Variants in SARNP observed in about 807,000 individuals in gnomAD.
The protein encoded by SARNP is SAP domain-containing ribonucleoprotein.
SARNP carries 5 observed loss-of-function variants against 38.1 expected under a neutral mutation model. That is an observed-to-expected ratio of 0.13 (90% confidence interval 0.07 to 0.28). The LOEUF is 0.28. Ranked by LOEUF, SARNP falls within the 10% of genes least tolerant of loss-of-function variation. SARNP has a pLI of 1.00. For synonymous variants in SARNP, 84 were observed against 80.6 expected (o/e 1.04, Z -0.23); for missense variants, 180 against 243.9 (o/e 0.74, Z 1.75).
intron 7 of SARNP, chr12:55,792,421 G>T (rs1367702456): frequency 1.3e-5 from 2 of 151,956 alleles, no homozygotes; most frequent in Admixed American, 6.6e-5. Flanking sequence ...CCCCAGGCTG[G>T]AGTACAGTGG....
chr12:55,801,433 AC>A (rs1045883950), intron 2 of SARNP, among the ~76,000 whole-genome samples: 2 of 152,112 alleles, frequency 1.3e-5, no homozygotes, highest in Non-Finnish European at 2.9e-5. Flanking sequence ...ACAGAGCAAG[AC>A]CCAGTCTTGA....
intron 9 of SARNP, among the ~76,000 whole-genome samples, chr12:55,782,666 A>G (rs1292489183): frequency 6.6e-6 from 1 of 152,102 alleles, no homozygotes; most frequent in Non-Finnish European, 1.5e-5. Context: ...GGCTCACTGC[A>G]GTCTCGAGTT....
chr12:55,774,883 G>GA (rs760640892), intron 9 of SARNP, among the ~76,000 whole-genome samples: 3 of 110,736 alleles, frequency 2.7e-5, no homozygotes, highest in Non-Finnish European at 3.6e-5. Context: ...ATTTCTATTT[G>GA]TTTTTTTTTT....
chr12:55,760,916 C>T (rs1878655292), intron 9 of SARNP: 1 of 312,406 alleles, frequency 3.2e-6, no homozygotes, highest in African/African-American at 2.1e-5. Context: ...GTGACTCACA[C>T]CTGTAATCCT....
rs897451355 is a variant in SARNP at position 55,772,990 on chromosome 12, C to T, written c.502-12350G>A. ...TCGGCCTCCCAAAGTGCTGGGATTA[C>T]AGGCGTGAGCCACCATGCCCAGCCT... On this transcript the variant is annotated intron_variant, in intron 9 of 10. Coordinates refer to ENST00000336133, the MANE Select transcript of SARNP (RefSeq NM_033082.4). Among the ~76,000 whole-genome samples the T allele has an allele frequency of 1.8e-4, 28 of 152,198 alleles. 1 individual carries two copies. Among genetic ancestry groups the T allele is most frequent in the African/African-American group, 6.8e-4 (28 of 41,444 alleles).
chr12:55,774,965 C>T (rs1157893359), intron 9 of SARNP, among the ~76,000 whole-genome samples: 5 of 146,844 alleles, frequency 3.4e-5, no homozygotes, highest in Admixed American at 1.4e-4. Flanking sequence ...TGGCTCACTG[C>T]AACCTCCACC....
At position 55,781,623 on chromosome 12, in the gene SARNP, C is replaced by T. The variant is rs191388066; in HGVS notation, c.501+7452G>A. On this transcript the variant is annotated intron_variant, in intron 9 of 10. Coordinates refer to ENST00000336133, the MANE Select transcript of SARNP (RefSeq NM_033082.4). ...CACTCACTGTGAAGTGGTTCATCTC[C>T]TACCAACGGTGATAAAAAATGTAAT... Among the ~76,000 whole-genome samples the T allele has an allele frequency of 3.3e-5, 5 of 152,176 alleles. No individual in the cohort carries two copies. The East Asian group carries it at 9.6e-4, about 29-fold the overall frequency.
chr12:55,803,689 C>G lies in SARNP; in HGVS notation c.76G>C (p.Glu26Gln), dbSNP rs1262877489. 6.2e-7 allele frequency: 1 copy of G among 1,613,366 alleles called. No homozygotes were observed. Among genetic ancestry groups the G allele is most frequent in the South Asian group, 1.1e-5 (1 of 91,004 alleles). Residue 26 changes from glutamate (E) to glutamine (Q), a missense_variant, in exon 2 of 11, where the codon GAG (glutamate) becomes CAG (glutamine). Glu to Gln is a conservative substitution (Grantham distance 29). Coordinates refer to ENST00000336133, the MANE Select transcript of SARNP (RefSeq NM_033082.4). ...LKQECLARGL[E>Q]TKGIKQDLIH... ...AGATCTTGCTTTATTCCCTTGGTCT[C>G]CAAACCACGAGCAAGACATTCTTGC...
At chr12:55,764,193 T>C (rs1190454688) in intron 9 of SARNP, among the ~76,000 whole-genome samples, 1 of 152,168 alleles carries the variant, frequency 6.6e-6, no homozygotes, top group Non-Finnish European at 1.5e-5. Context: ...CTGGTTCTAA[T>C]TTTGCTTAAT....
chr12:55,776,451 T>A (rs1879184919), intron 9 of SARNP, among the ~76,000 whole-genome samples: 1 of 152,168 alleles, frequency 6.6e-6, no homozygotes, highest in Non-Finnish European at 1.5e-5. Context: ...AAAAATAGCA[T>A]AGTATTTGCA....
intron 9 of SARNP, among the ~76,000 whole-genome samples, chr12:55,769,363 C>T (rs1284179113): frequency 6.6e-6 from 1 of 152,138 alleles, no homozygotes; most frequent in African/African-American, 2.4e-5. Flanking sequence ...GAATAAGAAC[C>T]TTAACTTCAC....
intron 9 of SARNP, among the ~76,000 whole-genome samples, chr12:55,771,575 A>C (rs187680815): frequency 6.6e-6 from 1 of 152,308 alleles, no homozygotes; most frequent in East Asian, 1.9e-4. Flanking sequence ...AAGCAGAAAG[A>C]AGCATTTCAG....
intron 9 of SARNP, among the ~76,000 whole-genome samples, chr12:55,787,893 C>A (rs1387373289): frequency 6.6e-6 from 1 of 152,040 alleles, no homozygotes; most frequent in African/African-American, 2.4e-5. Context: ...AGACTACAGG[C>A]ACCCGCCACC....
intron 4 of SARNP, among the ~76,000 whole-genome samples, chr12:55,796,444 C>T (rs1428723591): frequency 6.6e-6 from 1 of 152,152 alleles, no homozygotes; most frequent in Non-Finnish European, 1.5e-5. Context: ...CTCTTGTCGC[C>T]CAGGCTGGAG....
Position 55,799,559 on chromosome 12 carries a change from C to CTTTT in SARNP, c.251+999_251+1002dup, listed in dbSNP as rs10529763. Among the ~76,000 whole-genome samples the CTTTT allele has an allele frequency of 9.0e-4, 101 of 112,230 alleles. 7 individuals are homozygous for CTTTT. The highest frequency in any genetic ancestry group is 3.2e-3 in the African/African-American group (92 of 28,960). 73.6% of individuals were successfully genotyped at this position (112,230 alleles called of 152,430 possible). On this transcript the variant is annotated intron_variant, in intron 4 of 10. Transcript: ENST00000336133. ...AAACTCCTTTATATAGAGTGTCACA[C>CTTTT]TTTTTTTTTTTTTTTTCCCGAGACA...
chr12:55,808,197 T>TA (rs1176676355), intron 1 of SARNP, among the ~76,000 whole-genome samples: 5 of 152,044 alleles, frequency 3.3e-5, no homozygotes, highest in Non-Finnish European at 7.4e-5. Flanking sequence ...AAAAGGAAAA[T>TA]AGAGGCTGGG....
intron 9 of SARNP, 88 bp downstream of exon 9, chr12:55,788,987 A>G: frequency 2.4e-6 from 2 of 837,468 alleles, no homozygotes; most frequent in Non-Finnish European, 4.0e-6. Context: ...AGCCAGCTAC[A>G]TTCTCAGGAG....
chr12:55,754,623 A>G (rs1044697830), downstream of SARNP: 1 of 152,294 alleles, frequency 6.6e-6, no homozygotes, highest in South Asian at 2.1e-4. Flanking sequence ...CCTAGCTAGA[A>G]CCTACTCAGG....
At chr12:55,814,178 A>T (rs570736531) in intron 1 of SARNP, among the ~76,000 whole-genome samples, 13 of 152,268 alleles carry the variant, frequency 8.5e-5, no homozygotes, top group African/African-American at 2.6e-4. Flanking sequence ...CCTATAATAA[A>T]TATCTAAGTG....
Sources: gnomAD v4.1 joint callset for allele counts (sites outside exome capture counted in the v4.1 genomes callset) on GRCh38, gnomAD v4.1.1 for gene constraint, MANE v1.5 for transcripts, NCBI Gene and HGNC (gene_info 2026-07-23, HGNC 2026-07-21) for gene names.